Variants in LRMDA observed in about 807,000 individuals in gnomAD.
LRMDA encodes the protein leucine rich melanocyte differentiation associated.
A neutral mutation model predicts 29.8 loss-of-function variants in LRMDA; 18 were observed. The ratio of observed to expected loss-of-function variants is 0.60; its 90% confidence interval spans 0.42 to 0.90. The LOEUF (loss-of-function observed/expected upper bound fraction) is 0.90. Among genes scored for constraint, LRMDA ranks in the 40% least tolerant of loss-of-function variants. The probability of loss-of-function intolerance (pLI) is 0.00; values close to 1 mark genes in which losing one functional copy is unlikely to be tolerated. For synonymous variants in LRMDA, 125 were observed against 109.4 expected, an observed-to-expected ratio of 1.14 and a Z score of -0.89; for missense variants, 273 against 273.9, an observed-to-expected ratio of 1.00 and a Z score of 0.02.
intron 5 of LRMDA, among the ~76,000 whole-genome samples, chr10:76,244,428 G>T (rs1313464145): frequency 6.6e-6 from 1 of 152,166 alleles, no homozygotes; most frequent in African/African-American, 2.4e-5. Context: ...TTCAGGAGCT[G>T]TTCTTAGGAC....
At chr10:75,970,296 A>G (rs1048470420) in intron 2 of LRMDA, among the ~76,000 whole-genome samples, 2 of 152,222 alleles carry the variant, frequency 1.3e-5, no homozygotes, top group African/African-American at 2.4e-5. Context: ...CTCCTCACCC[A>G]TAAAAGAAAG....
intron 2 of LRMDA, among the ~76,000 whole-genome samples, chr10:75,691,105 TAG>T (rs1842143858): frequency 9.6e-5 from 8 of 83,330 alleles, no homozygotes; most frequent in African/African-American, 5.0e-4. Context: ...CATAGATATA[TAG>T]ATCTATATAT....
intron 5 of LRMDA, 76 bp from the exon 6 acceptor site, chr10:76,324,325 A>G: frequency 1.6e-6 from 2 of 1,236,468 alleles, no homozygotes; most frequent in Non-Finnish European, 1.2e-6. Flanking sequence ...TCCCAAGGAG[A>G]CAGGTCTGGT....
intron 2 of LRMDA, among the ~76,000 whole-genome samples, chr10:75,836,502 A>G (rs759714886): frequency 2.4e-4 from 36 of 152,356 alleles, no homozygotes; most frequent in Middle Eastern, 3.4e-3. Context: ...GGCAGTAAGT[A>G]TGATGATTAG....
chr10:76,077,677 A>G (rs1238114806), intron 5 of LRMDA, among the ~76,000 whole-genome samples: 1 of 152,120 alleles, frequency 6.6e-6, no homozygotes, highest in Non-Finnish European at 1.5e-5. Flanking sequence ...AACCTTAAAA[A>G]TAATTTGAAG....
rs115390103 is a variant in LRMDA at position 75,861,299 on chromosome 10, C to T, written c.132-174709C>T. ...TATCCTCAGGGGAGAATTGTTGGAG[C>T]GTGATTTATCCATTTATAGGGGTCC... On this transcript the variant is annotated intron_variant, in intron 2 of 6. Coordinates refer to ENST00000611255, the MANE Select transcript of LRMDA (RefSeq NM_001305581.2). 6.4e-3 allele frequency among the ~76,000 whole-genome samples: 981 copies of T among 152,230 alleles called. 15 individuals are homozygous for T. The highest frequency in any genetic ancestry group is 0.022 in the African/African-American group (923 of 41,530).
chr10:75,574,997 C>G (rs889813743), intron 2 of LRMDA, among the ~76,000 whole-genome samples: 1 of 152,124 alleles, frequency 6.6e-6, no homozygotes, highest in Non-Finnish European at 1.5e-5. Flanking sequence ...CAGGAAGCTT[C>G]CAATCATGGT....
At chr10:75,886,643 A>G (rs562725711) in intron 2 of LRMDA, among the ~76,000 whole-genome samples, 3 of 152,254 alleles carry the variant, frequency 2.0e-5, no homozygotes, top group Non-Finnish European at 2.9e-5. Context: ...TCTCTATTTA[A>G]AACTAGCTAG....
At chr10:76,208,168 G>A (rs939513108) in intron 5 of LRMDA, among the ~76,000 whole-genome samples, 6 of 152,084 alleles carry the variant, frequency 3.9e-5, no homozygotes, top group Admixed American at 2.0e-4. Flanking sequence ...AGACTAAAGA[G>A]CTGTCATTTT....
At chr10:76,151,798 C>G (rs1242305380) in intron 5 of LRMDA, among the ~76,000 whole-genome samples, 1 of 152,134 alleles carries the variant, frequency 6.6e-6, no homozygotes, top group Non-Finnish European at 1.5e-5. Context: ...GTTTGCATTT[C>G]TTAAGTAGAC....
intron 5 of LRMDA, among the ~76,000 whole-genome samples, chr10:76,225,056 G>A (rs893376256): frequency 6.6e-6 from 1 of 152,034 alleles, no homozygotes; most frequent in Non-Finnish European, 1.5e-5. Flanking sequence ...CATTTATTGA[G>A]TTGTCTCTGT....
chr10:76,069,651 A>G (rs895440686), intron 5 of LRMDA, among the ~76,000 whole-genome samples: 3 of 141,006 alleles, frequency 2.1e-5, no homozygotes, highest in Non-Finnish European at 3.1e-5. Context: ...TGGGGCTTCT[A>G]CTTTATGCAG....
At position 76,548,450 on chromosome 10, in the gene LRMDA, C is replaced by CAA. The variant is rs11340326; in HGVS notation, c.602-8743_602-8742dup. On this transcript the variant is annotated intron_variant, in intron 6 of 6. Transcript: ENST00000611255. ...TTCAGGCTTCATCTTTGGCTTGGACCAAAAAAAAAAAAAAAAATGTAACCT... is the reference window on the plus strand; with the variant it reads ...TTCAGGCTTCATCTTTGGCTTGGACCAAAAAAAAAAAAAAAAAAATGTAACCT... Among the ~76,000 whole-genome samples, 1,261 of 137,726 alleles carry CAA rather than the reference C, an allele frequency of 9.2e-3. 14 individuals are homozygous for CAA. Among genetic ancestry groups the CAA allele is most frequent in the African/African-American group, 0.032 (1,200 of 37,856 alleles). 90.4% of individuals were successfully genotyped at this position (137,726 alleles called of 152,430 possible).
At chr10:75,916,829 A>C (rs1589252408) in intron 2 of LRMDA, among the ~76,000 whole-genome samples, 2 of 152,304 alleles carry the variant, frequency 1.3e-5, no homozygotes, top group South Asian at 4.1e-4. Context: ...TAGTTTTAAA[A>C]TTATTTATAG....
At chr10:76,500,300 A>G (rs1842901460) in intron 6 of LRMDA, among the ~76,000 whole-genome samples, 1 of 76,002 alleles carries the variant, frequency 1.3e-5, no homozygotes, top group South Asian at 3.4e-4. Flanking sequence ...AATTTGATCT[A>G]TTTCTGTCCT....
intron 6 of LRMDA, among the ~76,000 whole-genome samples, chr10:76,505,229 C>T (rs1842947029): frequency 6.6e-6 from 1 of 151,808 alleles, no homozygotes. Flanking sequence ...TCTCTAGCTA[C>T]CTTTATGATG....
intron 5 of LRMDA, among the ~76,000 whole-genome samples, chr10:76,205,512 AGGCTC>A (rs1270761682): frequency 1.3e-5 from 2 of 152,194 alleles, no homozygotes; most frequent in Non-Finnish European, 2.9e-5. Context: ...TTCTACCTTG[AGGCTC>A]AGCTACAGGA....
In LRMDA at chr10:76,121,667, C is replaced by A. The variant is rs558894856; in HGVS notation, c.516+62884C>A. ...GTCACTGTTTCTGTTTTCCCCAGTA[C>A]GGTGAATTCCCCCAGGATGGGGACC... On this transcript the variant is annotated intron_variant, in intron 5 of 6. Transcript: ENST00000611255. Among the ~76,000 whole-genome samples, 8 of 152,300 alleles carry A rather than the reference C, an allele frequency of 5.3e-5. 1 individual carries two copies. The South Asian group carries it at 1.5e-3, about 28-fold the overall frequency.
At chr10:75,524,599 T>C (rs1421051125) in intron 2 of LRMDA, among the ~76,000 whole-genome samples, 1 of 152,180 alleles carries the variant, frequency 6.6e-6, no homozygotes, top group Non-Finnish European at 1.5e-5. Context: ...GAAGTTGGTA[T>C]AGATCACCCT....
Sources: allele counts gnomAD v4.1 joint callset (sites outside exome capture counted in the v4.1 genomes callset), GRCh38; gene constraint gnomAD v4.1.1; transcripts MANE v1.5; gene names NCBI Gene and HGNC (gene_info 2026-07-23, HGNC 2026-07-21).